The following NR5A2 variants were observed in gnomAD, a reference collection of about 807,000 sequenced individuals.
NR5A2 encodes nuclear receptor subfamily 5 group A member 2.
In NR5A2, 26 loss-of-function variants were observed where a neutral mutation model predicts 62.7. The ratio of observed to expected loss-of-function variants is 0.41; its 90% CI spans 0.30 to 0.58. The LOEUF is 0.58. NR5A2 is among the 20% of genes least tolerant of loss of function. The pLI, the probability that NR5A2 is intolerant of heterozygous loss-of-function variation, is 0.22. For missense variants in NR5A2, 541 were observed against 669.1 expected (o/e 0.81, Z 2.11); for synonymous variants, 246 against 241.7 (o/e 1.02, Z -0.16).
At chr1:200,080,983 G>T (rs556047790) in intron 5 of NR5A2, among the ~76,000 whole-genome samples, 4 of 152,332 alleles carry the variant, frequency 2.6e-5, no homozygotes, top group South Asian at 4.1e-4. Context: ...CAAAGTAGAG[G>T]TTAGACCAGA....
chr1:200,052,018 T>C (rs1164284499), intron 5 of NR5A2, among the ~76,000 whole-genome samples: 1 of 152,144 alleles, frequency 6.6e-6, no homozygotes, highest in Admixed American at 6.5e-5. Context: ...CACTCTGATA[T>C]TTTCTATCTA....
intron 5 of NR5A2, among the ~76,000 whole-genome samples, chr1:200,090,438 C>T (rs1479807891): frequency 1.3e-5 from 2 of 152,188 alleles, no homozygotes; most frequent in African/African-American, 2.4e-5. Flanking sequence ...GATGTCATTA[C>T]ATCCTGTAGC....
At chr1:200,162,957 AGAAC>A (rs1455925095) in intron 7 of NR5A2, among the ~76,000 whole-genome samples, 1 of 152,234 alleles carries the variant, frequency 6.6e-6, no homozygotes, top group African/African-American at 2.4e-5. Context: ...TCATATGTAC[AGAAC>A]CAAATAAAGT....
At chr1:200,094,338 C>T (rs1664967206) in intron 5 of NR5A2, among the ~76,000 whole-genome samples, 1 of 151,198 alleles carries the variant, frequency 6.6e-6, no homozygotes, top group Non-Finnish European at 1.5e-5. Context: ...GCGCGGGCTA[C>T]CACACCTGCC....
intron 5 of NR5A2, among the ~76,000 whole-genome samples, chr1:200,053,740 TC>T (rs1313154875): frequency 6.6e-6 from 1 of 152,226 alleles, no homozygotes; most frequent in Non-Finnish European, 1.5e-5. Flanking sequence ...AGACAGATTT[TC>T]CCTGAGTCCA....
intron 2 of NR5A2, among the ~76,000 whole-genome samples, chr1:200,040,293 G>T (rs1662004330): frequency 6.6e-6 from 1 of 152,160 alleles, no homozygotes; most frequent in South Asian, 2.1e-4. Context: ...CACACCAAAA[G>T]CCCAGGCGGA....
intron 5 of NR5A2, among the ~76,000 whole-genome samples, chr1:200,090,884 A>G (rs962644979): frequency 1.3e-5 from 2 of 152,186 alleles, no homozygotes; most frequent in Non-Finnish European, 2.9e-5. Flanking sequence ...CACGTACACA[A>G]TAAATCACCC....
intron 1 of NR5A2, among the ~76,000 whole-genome samples, chr1:200,037,018 A>T (rs924514327): frequency 3.3e-5 from 5 of 152,092 alleles, no homozygotes; most frequent in African/African-American, 9.7e-5. Context: ...TGGAAAGTCC[A>T]CCTGTGGAGA....
intron 3 of NR5A2, among the ~76,000 whole-genome samples, chr1:200,045,146 A>C (rs1662300046): frequency 6.6e-6 from 1 of 151,924 alleles, no homozygotes; most frequent in Non-Finnish European, 1.5e-5. Flanking sequence ...ATTAAAAAAA[A>C]ATTTATCTAT....
chr1:200,080,319 C>G (rs1664236755), intron 5 of NR5A2, among the ~76,000 whole-genome samples: 1 of 152,136 alleles, frequency 6.6e-6, no homozygotes, highest in South Asian at 2.1e-4. Context: ...CTGCAAAAAT[C>G]ATTTGCCTCA....
rs2246209 is a variant in NR5A2 at position 200,176,405 on chromosome 1, G to A, written c.*2195G>A. 98,450 of 152,450 alleles carry A rather than the reference G, an allele frequency of 0.65. 32,080 individuals carry two copies. The highest frequency in any genetic ancestry group is 0.72 in the South Asian group (3,495 of 4,830). 9.4% of individuals were successfully genotyped at this position (152,450 alleles called of 1,614,324 possible). ...AGTCTCAGTCACCCGTGTTATCTTC[G>A]TGGCTCAAAGGACAATGCAAAATCG... is the stretch of plus-strand genomic sequence containing the variant. On this transcript the variant is annotated 3_prime_UTR_variant, in exon 8 of 8. Transcript: ENST00000367362.
intron 5 of NR5A2, among the ~76,000 whole-genome samples, chr1:200,089,821 G>A (rs1216253485): frequency 5.3e-5 from 8 of 152,138 alleles, no homozygotes; most frequent in Admixed American, 5.2e-4. Context: ...TTATTATCCT[G>A]GGTTGTCTGG....
intron 7 of NR5A2, among the ~76,000 whole-genome samples, chr1:200,127,267 T>C (rs1472401487): frequency 6.6e-6 from 1 of 152,196 alleles, no homozygotes; most frequent in Non-Finnish European, 1.5e-5. Flanking sequence ...AAAGAAGACC[T>C]TTGAAGACAC....
At position 200,116,289 on chromosome 1, in the gene NR5A2, G is replaced by A. The variant is rs77768715; in HGVS notation, c.1231-4519G>A. On this transcript the variant is annotated intron_variant, in intron 6 of 7. Coordinates refer to ENST00000367362, the MANE Select transcript of NR5A2 (RefSeq NM_205860.3). ...CAGGTGTTCCGTAGCCCAATCTTCT[G>A]GCTTTTTCTTACTAAACACAGCTCA... is the stretch of plus-strand genomic sequence containing the variant. Among the ~76,000 whole-genome samples the A allele has an allele frequency of 8.2e-3, 1,248 of 152,216 alleles. 18 individuals are homozygous for A. The highest frequency in any genetic ancestry group is 0.028 in the African/African-American group (1,174 of 41,530).
intron 7 of NR5A2, among the ~76,000 whole-genome samples, chr1:200,142,880 T>C (rs947586686): frequency 2.6e-5 from 4 of 152,240 alleles, no homozygotes; most frequent in Non-Finnish European, 5.9e-5. Flanking sequence ...GAATAATATC[T>C]CTATTTCTCT....
intron 6 of NR5A2, among the ~76,000 whole-genome samples, chr1:200,111,652 C>G (rs1253589943): frequency 6.6e-6 from 1 of 152,192 alleles, no homozygotes; most frequent in African/African-American, 2.4e-5. Flanking sequence ...TAACCCAAGA[C>G]ACTTGTTTGT....
chr1:200,084,942 T>G (rs1302594102), intron 5 of NR5A2, among the ~76,000 whole-genome samples: 2 of 152,216 alleles, frequency 1.3e-5, no homozygotes. Context: ...TCAATCATAG[T>G]GCCGCATTGT....
At chr1:200,152,114 G>A (rs1205102619) in intron 7 of NR5A2, among the ~76,000 whole-genome samples, 1 of 152,136 alleles carries the variant, frequency 6.6e-6, no homozygotes, top group Admixed American at 6.5e-5. Context: ...TGCTGAAAAA[G>A]AGAATGTATG....
chr1:200,094,101 G>A (rs562619359), intron 5 of NR5A2, among the ~76,000 whole-genome samples: 76 of 152,164 alleles, frequency 5.0e-4, no homozygotes, highest in African/African-American at 1.8e-3. Flanking sequence ...CCCGGGAGGC[G>A]GAGGTTGCAG....
Sources: allele counts gnomAD v4.1 joint callset (sites outside exome capture counted in the v4.1 genomes callset), GRCh38; gene constraint gnomAD v4.1.1; transcripts MANE v1.5; gene names NCBI Gene and HGNC (gene_info 2026-07-23, HGNC 2026-07-21).